The following PLEKHO2 variants were observed in gnomAD, a reference collection of about 807,000 sequenced individuals.
PLEKHO2 encodes pleckstrin homology domain-containing family O member 2.
PLEKHO2 carries 20 observed loss-of-function variants against 32.7 expected under a neutral mutation model. The ratio of observed to expected loss-of-function variants is 0.61; its 90% CI spans 0.43 to 0.89. The LOEUF (loss-of-function observed/expected upper bound fraction) is 0.89, where lower values mean the gene tolerates loss of function less well. Among genes scored for constraint, PLEKHO2 ranks in the 40% least tolerant of loss-of-function variants. The pLI is 0.00. For synonymous variants in PLEKHO2, 247 were observed against 246.3 expected, an observed-to-expected ratio of 1.00 and a Z score of -0.03; for missense variants, 568 against 621.2, an observed-to-expected ratio of 0.91 and a Z score of 0.91.
intron 3 of PLEKHO2, among the ~76,000 whole-genome samples, chr15:64,857,258 C>T (rs1012076273): frequency 6.6e-6 from 1 of 152,240 alleles, no homozygotes; most frequent in Non-Finnish European, 1.5e-5. Flanking sequence ...GTCCCTGGGG[C>T]TTCTTGGAAG....
At chr15:64,860,061 G>C in intron 4 of PLEKHO2, 63 bp downstream of exon 4, 1 of 1,461,382 alleles carries the variant, frequency 6.8e-7, no homozygotes, top group Non-Finnish European at 9.6e-7. Flanking sequence ...TGTGATCTAG[G>C]AGAGGACCCT....
At position 64,866,819 on chromosome 15, in the gene PLEKHO2, T is replaced by C. The variant is rs2084692203; in HGVS notation, c.*931T>C. On this transcript the variant is annotated 3_prime_UTR_variant, in exon 6 of 6. Coordinates refer to ENST00000323544, the MANE Select transcript of PLEKHO2 (RefSeq NM_025201.5). ...CCTCAGATGGGGATTTATCTGGATC[T>C]CTGTGGTTCCTTCTCAGCCGAAACA... is the stretch of plus-strand genomic sequence containing the variant. 1 of 154,448 alleles carries C rather than the reference T, an allele frequency of 6.5e-6. No individual in the cohort carries two copies. Among genetic ancestry groups the C allele is most frequent in the African/African-American group, 2.4e-5 (1 of 41,458 alleles). The allele number at this position is 154,448 out of a possible 1,614,324, so 9.6% of individuals were successfully genotyped here.
intron 2 of PLEKHO2, among the ~76,000 whole-genome samples, chr15:64,849,581 T>A (rs1169911218): frequency 6.6e-6 from 1 of 151,660 alleles, no homozygotes; most frequent in Non-Finnish European, 1.5e-5. Context: ...GTAGCTGGGA[T>A]CACATGCGTC....
intron 5 of PLEKHO2, among the ~76,000 whole-genome samples, chr15:64,862,935 A>C (rs868621041): frequency 7.3e-3 from 821 of 112,996 alleles, no homozygotes; most frequent in Middle Eastern, 0.019. Flanking sequence ...CTCTCCCCCC[A>C]CCTCTTTTTT....
chr15:64,860,973 A>G (rs766240219), intron 4 of PLEKHO2, among the ~76,000 whole-genome samples: 2 of 152,202 alleles, frequency 1.3e-5, no homozygotes, highest in Non-Finnish European at 2.9e-5. Flanking sequence ...TTACTCTGAG[A>G]CTTCCCAGCC....
intron 4 of PLEKHO2, among the ~76,000 whole-genome samples, chr15:64,860,739 A>C (rs1423613654): frequency 6.6e-6 from 1 of 152,144 alleles, no homozygotes; most frequent in Non-Finnish European, 1.5e-5. Flanking sequence ...TCAGCCCTTC[A>C]CTACCTAGGG....
At chr15:64,861,630 C>G in intron 5 of PLEKHO2, 55 bp downstream of exon 5, 1 of 1,413,698 alleles carries the variant, frequency 7.1e-7, no homozygotes, top group African/African-American at 1.4e-5. Flanking sequence ...GACCTCAGCT[C>G]CTCTGGGCGG....
At chr15:64,854,688 G>T (rs114785111) in intron 2 of PLEKHO2, among the ~76,000 whole-genome samples, 1,857 of 152,302 alleles carry the variant, frequency 0.012, 43 homozygotes, top group African/African-American at 0.043. Context: ...CGCGCCTCTG[G>T]GCTATGTGCC....
intron 2 of PLEKHO2, among the ~76,000 whole-genome samples, chr15:64,851,929 C>T (rs116296185): frequency 1.6e-3 from 240 of 152,192 alleles, no homozygotes; most frequent in African/African-American, 5.4e-3. Flanking sequence ...TCCAGATTCC[C>T]GGGGAGGAGG....
At chr15:64,855,900 T>TC (rs943796355) in intron 3 of PLEKHO2, among the ~76,000 whole-genome samples, 4 of 151,964 alleles carry the variant, frequency 2.6e-5, no homozygotes, top group African/African-American at 7.3e-5. Flanking sequence ...ATTCTGTTTC[T>TC]CCCCCAGCTT....
At chr15:64,850,359 G>C (rs570155395) in intron 2 of PLEKHO2, among the ~76,000 whole-genome samples, 1 of 152,300 alleles carries the variant, frequency 6.6e-6, no homozygotes, top group African/African-American at 2.4e-5. Context: ...CTAGAAGCAA[G>C]TCCAGCGTGC....
chr15:64,851,839 A>T (rs146706448), intron 2 of PLEKHO2, among the ~76,000 whole-genome samples: 2,826 of 152,114 alleles, frequency 0.019, 97 homozygotes, highest in African/African-American at 0.066. Context: ...GTGGCGGTCC[A>T]GTTAGTGGAG....
intron 3 of PLEKHO2, among the ~76,000 whole-genome samples, chr15:64,858,410 G>A (rs1168479036): frequency 6.6e-6 from 1 of 152,206 alleles, no homozygotes; most frequent in East Asian, 1.9e-4. Context: ...GTGGAGGATG[G>A]GCAAGCTGGC....
intron 3 of PLEKHO2, among the ~76,000 whole-genome samples, chr15:64,856,262 T>A (rs1465028329): frequency 2.0e-5 from 3 of 152,058 alleles, no homozygotes; most frequent in Admixed American, 1.3e-4. Flanking sequence ...TGTGGATGTG[T>A]GTTTGAGAGA....
chr15:64,854,976 A>T lies in PLEKHO2; in HGVS notation c.218A>T (p.Asp73Val). The T allele has an allele frequency of 1.9e-6, 3 of 1,610,244 alleles. No individual in the cohort carries two copies. The highest frequency in any genetic ancestry group is 2.5e-6 in the Non-Finnish European group (3 of 1,178,456). ...CTGGGCAGCTATGAGAAGTGCCAGG[A>T]CCTTCGTGCCCTCCTCAAGCGAAAA... ...VELGSYEKCQ[D>V]LRALLKRKHR... The change falls in exon 3 of 6, where the codon GAC becomes GTC. Residue 73 changes from aspartate (D) to valine (V), a missense_variant. Coordinates refer to ENST00000323544, the MANE Select transcript of PLEKHO2 (RefSeq NM_025201.5).
intron 2 of PLEKHO2, among the ~76,000 whole-genome samples, chr15:64,854,449 T>C (rs982941036): frequency 4.6e-5 from 7 of 152,334 alleles, no homozygotes; most frequent in Non-Finnish European, 7.4e-5. Flanking sequence ...GCAGGGCATG[T>C]AGCCCCAAAT....
chr15:64,841,991 A>G lies in PLEKHO2; in HGVS notation c.-26A>G. ...GCGCGGCGCTGGAAGCGAGTGGCGG[A>G]GCGGCGGGACCTCGGCGGACTCGCC... is the stretch of plus-strand genomic sequence containing the variant. On this transcript the variant is annotated 5_prime_UTR_variant, in exon 1 of 6. Transcript: ENST00000323544. The G allele has an allele frequency of 8.0e-7, 1 of 1,246,598 alleles. No homozygotes were observed. Among genetic ancestry groups the G allele is most frequent in the South Asian group, 3.4e-5 (1 of 28,994 alleles). The allele number at this position is 1,246,598 out of a possible 1,614,324, so 77.2% of individuals were successfully genotyped here.
intron 2 of PLEKHO2, among the ~76,000 whole-genome samples, chr15:64,850,065 C>T (rs1258259453): frequency 6.6e-6 from 1 of 151,830 alleles, no homozygotes; most frequent in Non-Finnish European, 1.5e-5. Flanking sequence ...GAGGCTGAGG[C>T]AGGAGAATCA....
chr15:64,851,659 C>T (rs1410774016), intron 2 of PLEKHO2, among the ~76,000 whole-genome samples: 1 of 152,182 alleles, frequency 6.6e-6, no homozygotes, highest in Admixed American at 6.5e-5. Context: ...ATGCTTCCCT[C>T]ACCCATTGCC....
Sources: allele counts gnomAD v4.1 joint callset (sites outside exome capture counted in the v4.1 genomes callset), GRCh38; gene constraint gnomAD v4.1.1; transcripts MANE v1.5; gene names NCBI Gene and HGNC (gene_info 2026-07-23, HGNC 2026-07-21).